ADGRL3: variants seen among roughly 807,000 people sequenced by gnomAD.
ADGRL3 encodes calcium-independent alpha-latrotoxin receptor 3.
ADGRL3 carries 62 observed loss-of-function variants against 153.5 expected under a neutral mutation model. The observed-to-expected ratio is 0.40, with a 90% CI of 0.33 to 0.50. ADGRL3 has a LOEUF of 0.50. Among genes scored for constraint, ADGRL3 ranks in the 20% least tolerant of loss-of-function variants. The probability of loss-of-function intolerance (pLI) is 0.47; values close to 1 mark genes in which losing one functional copy is unlikely to be tolerated. For synonymous variants in ADGRL3, 710 were observed against 672.5 expected (o/e 1.06, Z -0.86); for missense variants, 1,641 against 1,859.4 (o/e 0.88, Z 2.16).
chr4:61,408,278 A>T (rs1002964862), intron 2 of ADGRL3, among the ~76,000 whole-genome samples: 1 of 151,980 alleles, frequency 6.6e-6, no homozygotes, highest in Non-Finnish European at 1.5e-5. Flanking sequence ...GTCCTCAATG[A>T]ATTCCAAATG....
chr4:61,870,397 A>G (rs1193154592), intron 9 of ADGRL3, among the ~76,000 whole-genome samples: 3 of 152,234 alleles, frequency 2.0e-5, no homozygotes, highest in African/African-American at 7.2e-5. Flanking sequence ...GGATTAAGCA[A>G]TGGTTTCTTA....
intron 19 of ADGRL3, among the ~76,000 whole-genome samples, chr4:61,984,479 A>T (rs1324523267): frequency 6.6e-6 from 1 of 152,122 alleles, no homozygotes; most frequent in Admixed American, 6.5e-5. Flanking sequence ...GAGGCAGGGG[A>T]ATCGCCTGAG....
chr4:61,653,170 TCACACACACACACA>T (rs34273823), intron 5 of ADGRL3, among the ~76,000 whole-genome samples: 2 of 90,966 alleles, frequency 2.2e-5, no homozygotes, highest in East Asian at 2.3e-4. Context: ...TCTCTCTCTC[TCACACACACACACA>T]CACACACACA....
intron 8 of ADGRL3, among the ~76,000 whole-genome samples, chr4:61,798,207 C>G (rs764042981): frequency 6.6e-6 from 1 of 152,018 alleles, no homozygotes; most frequent in African/African-American, 2.4e-5. Flanking sequence ...CAAGGGGTAA[C>G]GAGCAACAAT....
chr4:61,279,373 A>AT (rs1349502156), intron 1 of ADGRL3, among the ~76,000 whole-genome samples: 2 of 152,258 alleles, frequency 1.3e-5, no homozygotes, highest in Non-Finnish European at 2.9e-5. Flanking sequence ...AATAAGATTC[A>AT]TTTTTTCCTG....
intron 17 of ADGRL3, among the ~76,000 whole-genome samples, chr4:61,953,595 C>G (rs138165610): frequency 1.8e-3 from 267 of 152,210 alleles, no homozygotes; most frequent in Middle Eastern, 3.4e-3. Flanking sequence ...CCAGTGGAAA[C>G]TTCAGGCACT....
chr4:61,241,961 A>G (rs1303706893), intron 1 of ADGRL3, among the ~76,000 whole-genome samples: 1 of 152,024 alleles, frequency 6.6e-6, no homozygotes, highest in Admixed American at 6.6e-5. Context: ...TACAAATCCA[A>G]ATAATTAGTA....
intron 9 of ADGRL3, among the ~76,000 whole-genome samples, chr4:61,816,742 G>T (rs757306868): frequency 1.4e-4 from 21 of 152,156 alleles, no homozygotes; most frequent in Non-Finnish European, 2.6e-4. Context: ...GCCAGCTGCA[G>T]CAGGGGAGGC....
intron 6 of ADGRL3, among the ~76,000 whole-genome samples, chr4:61,727,773 A>G (rs1243348319): frequency 6.6e-6 from 1 of 152,160 alleles, no homozygotes; most frequent in Non-Finnish European, 1.5e-5. Flanking sequence ...CACAGACATT[A>G]TGCAGATAAT....
chr4:61,619,733 C>T (rs1053767888), intron 5 of ADGRL3, among the ~76,000 whole-genome samples: 1 of 152,212 alleles, frequency 6.6e-6, no homozygotes, highest in Admixed American at 6.5e-5. Context: ...ACAGCAGAGC[C>T]ACTGGAGCCA....
intron 25 of ADGRL3, among the ~76,000 whole-genome samples, chr4:62,064,462 A>G (rs1162630459): frequency 6.6e-6 from 1 of 152,076 alleles, no homozygotes; most frequent in Admixed American, 6.6e-5. Flanking sequence ...CATCATATGT[A>G]AAGAAACCAC....
intron 1 of ADGRL3, among the ~76,000 whole-genome samples, chr4:61,238,473 G>GTA: frequency 6.6e-6 from 1 of 151,760 alleles, no homozygotes; most frequent in South Asian, 2.1e-4. Flanking sequence ...GTGTGTGTGT[G>GTA]TGTATGCACG....
intron 25 of ADGRL3, among the ~76,000 whole-genome samples, chr4:62,059,542 C>T (rs746529902): frequency 2.0e-5 from 3 of 152,002 alleles, no homozygotes; most frequent in South Asian, 2.1e-4. Context: ...TTAATAACAA[C>T]GGTAAGGAGG....
At position 61,434,943 on chromosome 4, in the gene ADGRL3, A is replaced by G. The variant is rs1321022222; in HGVS notation, c.-174+51754A>G. Among the ~76,000 whole-genome samples the G allele has an allele frequency of 2.6e-5, 4 of 152,104 alleles. No homozygotes were observed. The East Asian group carries it at 5.8e-4, about 22-fold the overall frequency. Reference sequence around the variant, plus strand: ...ATTTTATAAAACAAAACTGATTTGTATGGCAGGATGGCCACTGAGATTTAA... The same window carrying G: ...ATTTTATAAAACAAAACTGATTTGTGTGGCAGGATGGCCACTGAGATTTAA... On this transcript the variant is annotated intron_variant, in intron 2 of 26. Coordinates refer to ENST00000683033, the MANE Select transcript of ADGRL3 (RefSeq NM_001387552.1).
intron 5 of ADGRL3, among the ~76,000 whole-genome samples, chr4:61,627,859 G>A (rs1221214356): frequency 6.6e-6 from 1 of 152,002 alleles, no homozygotes; most frequent in East Asian, 1.9e-4. Context: ...ACATTGCTTT[G>A]AAGATTATCT....
chr4:62,016,251 G>T (rs2099211120), intron 21 of ADGRL3, among the ~76,000 whole-genome samples: 1 of 152,082 alleles, frequency 6.6e-6, no homozygotes, highest in Non-Finnish European at 1.5e-5. Flanking sequence ...GTTTCACCAT[G>T]TTGACCAGGA....
intron 4 of ADGRL3, among the ~76,000 whole-genome samples, chr4:61,578,094 A>G (rs898561294): frequency 6.6e-6 from 1 of 152,106 alleles, no homozygotes; most frequent in African/African-American, 2.4e-5. Context: ...ATGGGAAACC[A>G]TAAAGATTAT....
intron 5 of ADGRL3, among the ~76,000 whole-genome samples, chr4:61,589,286 A>G (rs924332082): frequency 3.9e-5 from 6 of 152,094 alleles, no homozygotes; most frequent in African/African-American, 7.2e-5. Context: ...TAACTGTTAA[A>G]TGTACTAGAT....
intron 9 of ADGRL3, among the ~76,000 whole-genome samples, chr4:61,866,313 T>G (rs907010334): frequency 6.6e-6 from 1 of 152,158 alleles, no homozygotes; most frequent in Non-Finnish European, 1.5e-5. Context: ...CTGTTCTGAG[T>G]ATGGCAGAGG....
Sources: gnomAD v4.1 joint callset for allele counts (sites outside exome capture counted in the v4.1 genomes callset) on GRCh38, gnomAD v4.1.1 for gene constraint, MANE v1.5 for transcripts, NCBI Gene and HGNC (gene_info 2026-07-23, HGNC 2026-07-21) for gene names.